Variants in TAFA1 observed in about 807,000 individuals in gnomAD.
The protein encoded by TAFA1 is chemokine-like protein TAFA-1.
A neutral mutation model predicts 18.5 loss-of-function variants in TAFA1; 4 were observed. That is an observed-to-expected ratio of 0.22 (90% CI 0.11 to 0.49). The LOEUF is 0.49. Ranked by LOEUF, TAFA1 falls within the 20% of genes least tolerant of loss-of-function variation. The pLI is 0.98. For synonymous variants in TAFA1, 56 were observed against 55.2 expected (o/e 1.01, Z -0.06); for missense variants, 147 against 169.0 (o/e 0.87, Z 0.72).
At chr3:68,422,498 T>A (rs114392334) in intron 3 of TAFA1, among the ~76,000 whole-genome samples, 4 of 152,234 alleles carry the variant, frequency 2.6e-5, no homozygotes, top group Non-Finnish European at 5.9e-5. Flanking sequence ...CCTTTTACAG[T>A]GTTTTCAAAA....
intron 2 of TAFA1, among the ~76,000 whole-genome samples, chr3:68,163,809 C>T (rs2065952154): frequency 6.6e-6 from 1 of 152,138 alleles, no homozygotes; most frequent in African/African-American, 2.4e-5. Context: ...GGAAGATCTA[C>T]TAGAAGGATG....
At chr3:68,520,816 A>C (rs2073009579) in intron 3 of TAFA1, among the ~76,000 whole-genome samples, 1 of 152,188 alleles carries the variant, frequency 6.6e-6, no homozygotes, top group Non-Finnish European at 1.5e-5. Context: ...TTAATGCAAA[A>C]TCTCATTCTT....
chr3:68,012,894 C>T (rs1440156253), intron 2 of TAFA1, among the ~76,000 whole-genome samples: 1 of 152,130 alleles, frequency 6.6e-6, no homozygotes, highest in East Asian at 1.9e-4. Flanking sequence ...GAAGATACTC[C>T]TTGGACAAAA....
chr3:68,340,398 A>G (rs2069059477), intron 2 of TAFA1, among the ~76,000 whole-genome samples: 1 of 152,246 alleles, frequency 6.6e-6, no homozygotes, highest in Admixed American at 6.5e-5. Context: ...TAACAGGATC[A>G]TATGTCAATA....
intron 2 of TAFA1, among the ~76,000 whole-genome samples, chr3:68,390,931 A>C (rs1013508695): frequency 1.3e-5 from 2 of 152,220 alleles, no homozygotes; most frequent in African/African-American, 2.4e-5. Context: ...TGAAAATTCC[A>C]AAACCCAGAA....
At chr3:68,089,467 G>A (rs1239962831) in intron 2 of TAFA1, among the ~76,000 whole-genome samples, 5 of 152,166 alleles carry the variant, frequency 3.3e-5, no homozygotes, top group Admixed American at 3.3e-4. Flanking sequence ...CTAATTCAGA[G>A]GTTTGGACCA....
intron 2 of TAFA1, among the ~76,000 whole-genome samples, chr3:68,234,291 G>A (rs771099612): frequency 1.1e-4 from 16 of 152,114 alleles, no homozygotes; most frequent in Non-Finnish European, 2.2e-4. Context: ...GAGAGAAGTC[G>A]ACAGCATTCT....
At chr3:68,064,496 A>T (rs1011775024) in intron 2 of TAFA1, among the ~76,000 whole-genome samples, 1 of 152,212 alleles carries the variant, frequency 6.6e-6, no homozygotes, top group Non-Finnish European at 1.5e-5. Flanking sequence ...CATGCAAATT[A>T]TTTCTAAAGT....
intron 2 of TAFA1, among the ~76,000 whole-genome samples, chr3:68,349,224 T>TA (rs557952383): frequency 8.2e-4 from 125 of 152,016 alleles, no homozygotes; most frequent in African/African-American, 2.9e-3. Context: ...TTGGAGCGTT[T>TA]AAATCAGCAT....
intron 2 of TAFA1, among the ~76,000 whole-genome samples, chr3:68,079,033 G>A (rs1356841801): frequency 5.3e-5 from 8 of 152,204 alleles, no homozygotes; most frequent in Non-Finnish European, 1.0e-4. Context: ...TCCTGGTTTA[G>A]TCTTGGTAGA....
chr3:68,098,490 C>A (rs953309749), intron 2 of TAFA1, among the ~76,000 whole-genome samples: 1 of 152,118 alleles, frequency 6.6e-6, no homozygotes, highest in African/African-American at 2.4e-5. Flanking sequence ...TGCCTAGGAT[C>A]TTCTTTTTTG....
At chr3:68,176,314 T>G (rs1468854630) in intron 2 of TAFA1, among the ~76,000 whole-genome samples, 1 of 152,134 alleles carries the variant, frequency 6.6e-6, no homozygotes, top group Admixed American at 6.5e-5. Context: ...AGACCCTGTT[T>G]CTACAAAAAT....
At chr3:68,331,121 T>C (rs746111534) in intron 2 of TAFA1, among the ~76,000 whole-genome samples, 43 of 66,048 alleles carry the variant, frequency 6.5e-4, no homozygotes, top group Non-Finnish European at 1.2e-3. Context: ...AAATATTAAG[T>C]ACTAGTACAT....
At chr3:68,046,142 T>C (rs774174778) in intron 2 of TAFA1, among the ~76,000 whole-genome samples, 8 of 152,182 alleles carry the variant, frequency 5.3e-5, no homozygotes, top group Non-Finnish European at 1.0e-4. Flanking sequence ...ACTGCAGTGT[T>C]GGATGGAATA....
At chr3:68,349,528 G>A (rs558705320) in intron 2 of TAFA1, among the ~76,000 whole-genome samples, 1 of 152,184 alleles carries the variant, frequency 6.6e-6, no homozygotes, top group Non-Finnish European at 1.5e-5. Context: ...TGGGCATAGA[G>A]TGTTTTTAAA....
chr3:68,259,923 C>A (rs201668359), intron 2 of TAFA1, among the ~76,000 whole-genome samples: 1 of 151,506 alleles, frequency 6.6e-6, no homozygotes, highest in Non-Finnish European at 1.5e-5. Context: ...ATTGAATACC[C>A]TTTATTTCCT....
intron 2 of TAFA1, among the ~76,000 whole-genome samples, chr3:68,370,513 T>C (rs1439642345): frequency 2.1e-5 from 2 of 96,624 alleles, no homozygotes; most frequent in Non-Finnish European, 4.1e-5. Flanking sequence ...TATATATATA[T>C]ATACCCACAT....
At chr3:68,167,701 G>A (rs565519259) in intron 2 of TAFA1, among the ~76,000 whole-genome samples, 10 of 152,006 alleles carry the variant, frequency 6.6e-5, no homozygotes, top group Admixed American at 2.6e-4. Flanking sequence ...TTTTAACAAG[G>A]GCACCAGGGA....
At position 68,473,086 on chromosome 3, in the gene TAFA1, T is replaced by A. The variant is rs1205481473; in HGVS notation, c.259+55666T>A. Among the ~76,000 whole-genome samples, 3 of 152,148 alleles carry A rather than the reference T, an allele frequency of 2.0e-5. No homozygotes were observed. The East Asian group carries it at 5.8e-4, about 29-fold the overall frequency. ...TGCTTTCAAGATCAAAGTGATTGAT[T>A]TTCAGAGGAAACCACAAATGGTGAG... is the stretch of plus-strand genomic sequence containing the variant. On this transcript the variant is annotated intron_variant, in intron 3 of 4. Coordinates refer to ENST00000478136, the MANE Select transcript of TAFA1 (RefSeq NM_213609.4).
Sources: allele counts gnomAD v4.1 joint callset (sites outside exome capture counted in the v4.1 genomes callset), GRCh38; gene constraint gnomAD v4.1.1; transcripts MANE v1.5; gene names NCBI Gene and HGNC (gene_info 2026-07-23, HGNC 2026-07-21).